Variants in ARFGAP1 observed in about 807,000 individuals in gnomAD.
The protein encoded by ARFGAP1 is ARF GTPase activating protein 1.
A neutral mutation model predicts 54.0 loss-of-function variants in ARFGAP1; 26 were observed. The observed-to-expected ratio is 0.48, with a 90% CI of 0.35 to 0.67. ARFGAP1 has a LOEUF of 0.67. ARFGAP1 is among the 30% of genes least tolerant of loss of function. The pLI, the probability that ARFGAP1 is intolerant of heterozygous loss-of-function variation, is 0.00. For missense variants in ARFGAP1, 525 were observed against 535.8 expected (o/e 0.98, Z 0.20); for synonymous variants, 248 against 211.9 (o/e 1.17, Z -1.48).
At chr20:63,285,579 G>A in intron 10 of ARFGAP1, 75 bp from the exon 11 acceptor site, 2 of 1,504,646 alleles carry the variant, frequency 1.3e-6, no homozygotes, top group Admixed American at 1.7e-5. Flanking sequence ...CTCACCCGGG[G>A]GATTCCTGCA....
chr20:63,285,542 CCACATGCCCCTGATATTT>C lies in ARFGAP1; in HGVS notation c.775-110_775-93del, dbSNP rs1568742875. 5 of 1,127,638 alleles carry C rather than the reference CCACATGCCCCTGATATTT, an allele frequency of 4.4e-6. No homozygotes were observed. In the African/African-American group the frequency reaches 7.7e-5, roughly 17 times the overall value. 69.9% of individuals were successfully genotyped at this position (1,127,638 alleles called of 1,614,324 possible). ...TTCTGGGGCTCAGCCTGATGGGTAT[CCACATGCCCCTGATATTT>C]CGGATGCCCTCACCCGGGGGATTCC... On this transcript the variant is annotated intron_variant, in intron 10 of 12. Transcript: ENST00000370283.
chr20:63,286,642 G>A (rs1171401716), intron 12 of ARFGAP1, among the ~76,000 whole-genome samples, 200 bp downstream of exon 12: 1 of 152,224 alleles, frequency 6.6e-6, no homozygotes, highest in East Asian at 1.9e-4. Flanking sequence ...TCTTTGCTGG[G>A]GAGGGGGCAC....
chr20:63,285,802 A>G, intron 11 of ARFGAP1, 89 bp downstream of exon 11: 7 of 1,544,762 alleles, frequency 4.5e-6, no homozygotes, highest in Non-Finnish European at 6.2e-6. Flanking sequence ...TGCCCCGTGC[A>G]GCCCTCAGCC....
chr20:63,286,282 C>G (rs1436929059), intron 11 of ARFGAP1, 84 bp from the exon 12 acceptor site: 1 of 1,592,370 alleles, frequency 6.3e-7, no homozygotes, highest in Non-Finnish European at 8.6e-7. Flanking sequence ...CGGGACGGCG[C>G]GTGCCGGCTT....
chr20:63,279,241 C>T, intron 7 of ARFGAP1: 1 of 586,918 alleles, frequency 1.7e-6, no homozygotes, highest in Non-Finnish European at 3.2e-6. Context: ...CTTTGTCGCC[C>T]AGGCTGCAGA....
chr20:63,287,595 G>C lies in ARFGAP1; in HGVS notation c.943G>C (p.Gly315Arg). ...GGAGGGCCACAGTTATCAGAACAGCGGTCTGGACCACTTCCAAAACAGCAA... is the reference window on the plus strand; with the variant it reads ...GGAGGGCCACAGTTATCAGAACAGCCGTCTGGACCACTTCCAAAACAGCAA... ...PSEGHSYQNS[G>R]LDHFQNSNID... is the part of the protein sequence containing the mutation. Residue 315 changes from glycine (G) to arginine (R), a missense_variant, in exon 13 of 13, where the codon GGT (glycine) becomes CGT (arginine). Around this residue, in one of 3 missense-constraint regions of ARFGAP1, gnomAD observed 466 missense variants for 453.6 expected, o/e 1.03. Transcript: ENST00000370283. The C allele has an allele frequency of 1.9e-6, 3 of 1,607,904 alleles. No individual in the cohort carries two copies. The highest frequency in any genetic ancestry group is 2.2e-5 in the South Asian group (2 of 90,922).
chr20:63,283,170 G>A lies in ARFGAP1; in HGVS notation c.717+319G>A, dbSNP rs1042456155. On this transcript the variant is annotated intron_variant, in intron 9 of 12. Transcript: ENST00000370283. ...GGCTTGGCAGATGGCCCACGCTGGC[G>A]GTGGCCGCTCAGCCAGAAGGGCCGC... The A allele has an allele frequency of 1.0e-4, 46 of 454,250 alleles. No individual in the cohort carries two copies. In the East Asian group the frequency reaches 1.2e-3, roughly 11 times the overall value. 28.1% of individuals were successfully genotyped at this position (454,250 alleles called of 1,614,324 possible). A position where few individuals can be genotyped will look rare whatever the true frequency, so the allele number is the denominator to read the frequency against.
chr20:63,280,014 G>A (rs901117750), intron 7 of ARFGAP1, among the ~76,000 whole-genome samples: 1 of 152,102 alleles, frequency 6.6e-6, no homozygotes, highest in African/African-American at 2.4e-5. Context: ...GGTGGCATGT[G>A]CCTTGTAGCC....
rs142767635 is a variant in ARFGAP1 at position 63,287,680 on chromosome 20, C to T, written c.1028C>T (p.Ser343Phe). 1.2e-6 allele frequency: 2 copies of T among 1,612,404 alleles called. No homozygotes were observed. The highest frequency in any genetic ancestry group is 1.3e-5 in the African/African-American group (1 of 74,906). ...GCTGAGCCCACCAAGACCCGCAAGT[C>T]CCCGAGCAGCGACAGCTGGACGTGC... ...GSAEPTKTRK[S>F]PSSDSWTCAD... The change falls in exon 13 of 13, where the codon TCC (serine) becomes TTC (phenylalanine). Residue 343 changes from serine (S) to phenylalanine (F), a missense_variant. Coordinates refer to ENST00000370283, the MANE Select transcript of ARFGAP1 (RefSeq NM_018209.4).
At chr20:63,277,875 C>T (rs1241443713) in intron 5 of ARFGAP1, among the ~76,000 whole-genome samples, 3 of 152,200 alleles carry the variant, frequency 2.0e-5, no homozygotes, top group Non-Finnish European at 4.4e-5. Context: ...CTCCTGCCAA[C>T]AGGGAGAGTG....
intron 1 of ARFGAP1, among the ~76,000 whole-genome samples, chr20:63,274,926 G>C (rs2067195438): frequency 6.6e-6 from 1 of 152,222 alleles, no homozygotes; most frequent in African/African-American, 2.4e-5. Context: ...GTGAGTCACT[G>C]TGGTGGGGGC....
chr20:63,288,459 CTG>C lies in ARFGAP1; in HGVS notation c.*589_*590del. 2.2e-6 allele frequency: 1 copy of C among 456,126 alleles called. No homozygotes were observed. The allele number at this position is 456,126 out of a possible 1,614,324, so 28.3% of individuals were successfully genotyped here. The stretch of plus-strand genomic sequence containing the variant: ...TCAGACCCGCGTCGGTCGTAACCCT[CTG>C]TGGCTCCCCTGCATCAGCACCGTCC... On this transcript the variant is annotated 3_prime_UTR_variant, in exon 13 of 13. Coordinates refer to ENST00000370283, the MANE Select transcript of ARFGAP1 (RefSeq NM_018209.4).
intron 9 of ARFGAP1, chr20:63,284,067 G>A (rs2123290931): frequency 1.4e-6 from 2 of 1,416,970 alleles, no homozygotes; most frequent in Middle Eastern, 2.6e-4. Context: ...GCTTGGCTGT[G>A]TGTGCCTGTC....
chr20:63,276,111 G>A lies in ARFGAP1; in HGVS notation c.81G>A (p.Ala27=), dbSNP rs113548754. ...DENNVCFECG[A]FNPQWVSVTY... The stretch of plus-strand genomic sequence containing the variant: ...TGCAGGTTTGTTTTGAGTGTGGCGC[G>A]TTCAATCCTCAGTGGGTCAGTGTGA... The change falls in exon 3 of 13, where the codon GCG becomes GCA. Residue 27 remains alanine (A), a synonymous_variant. Transcript: ENST00000370283. This position sits in a 1 kb window ranked among gnomAD's most constrained non-coding sequence, Gnocchi z 5.2. 5.0e-5 allele frequency: 81 copies of A among 1,614,058 alleles called. No homozygotes were observed. The highest frequency in any genetic ancestry group is 4.9e-4 in the Middle Eastern group (3 of 6,062).
At chr20:63,283,904 A>G in intron 9 of ARFGAP1, 1 of 1,612,812 alleles carries the variant, frequency 6.2e-7, no homozygotes, top group Non-Finnish European at 8.5e-7. Context: ...CTGCTCGTGC[A>G]TGCCGCCCGC....
chr20:63,281,182 GGCCTGGGGCAGCCTCT>G (rs2067371111), intron 7 of ARFGAP1, 93 bp from the exon 8 acceptor site: 1 of 1,214,156 alleles, frequency 8.2e-7, no homozygotes, highest in African/African-American at 1.5e-5. Context: ...ATGGGACGGG[GGCCTGGGGCAGCCTCT>G]GCCTTGGTCC....
chr20:63,285,711 A>G lies in ARFGAP1; in HGVS notation c.832A>G (p.Lys278Glu), dbSNP rs149861489. 1.6e-3 allele frequency: 2,635 copies of G among 1,613,466 alleles called. 7 individuals carry two copies. The highest frequency in any genetic ancestry group is 2.1e-3 in the Non-Finnish European group (2,501 of 1,179,890). The change falls in exon 11 of 13, where the codon AAG becomes GAG. Residue 278 changes from lysine (K) to glutamate (E), a missense_variant and splice_region_variant. Coordinates refer to ENST00000370283, the MANE Select transcript of ARFGAP1 (RefSeq NM_018209.4). ...CAGTGGGGTCTCTCAGTTGGCGTCC[A>G]AGGTAGGGAGCCTGCCAGATACGCG... ...VSSGVSQLAS[K>E]VQGVGSKGWR...
chr20:63,280,884 A>G (rs1440798020), intron 7 of ARFGAP1, among the ~76,000 whole-genome samples: 2 of 152,180 alleles, frequency 1.3e-5, no homozygotes, highest in East Asian at 1.9e-4. Flanking sequence ...TCAGAAGGAA[A>G]CCCTGAGCAT....
chr20:63,286,364 A>C lies in ARFGAP1; in HGVS notation c.835-2A>C. On this transcript the variant is annotated splice_acceptor_variant, in intron 11 of 12. Transcript: ENST00000370283. LOFTEE classifies it high-confidence loss of function. ...CTAACCTCTCTTCCCGTCTCCTTCC[A>C]GGTCCAGGGAGTCGGTAGTAAGGGA... 1 of 1,613,302 alleles carries C rather than the reference A, an allele frequency of 6.2e-7. No individual in the cohort carries two copies. The highest frequency in any genetic ancestry group is 8.5e-7 in the Non-Finnish European group (1 of 1,179,958).
Sources: gnomAD v4.1 joint callset for allele counts (sites outside exome capture counted in the v4.1 genomes callset) on GRCh38, gnomAD v4.1.1 for gene constraint, gnomAD v4.1.1 regional missense constraint, Gnocchi (gnomAD v3.1) non-coding constraint, MANE v1.5 for transcripts, NCBI Gene and HGNC (gene_info 2026-07-23, HGNC 2026-07-21) for gene names.